CNTN5: variants seen among roughly 807,000 people sequenced by gnomAD.
CNTN5 encodes contactin-5.
In CNTN5, 77 loss-of-function variants were observed where a neutral mutation model predicts 129.1. The ratio of observed to expected loss-of-function variants is 0.60; its 90% CI spans 0.50 to 0.72. The LOEUF is 0.72. CNTN5 is among the 30% of genes least tolerant of loss of function. The pLI is 0.00. For synonymous variants in CNTN5, 509 were observed against 465.6 expected (o/e 1.09, Z -1.20); for missense variants, 1,478 against 1,328.8 (o/e 1.11, Z -1.75).
intron 3 of CNTN5, among the ~76,000 whole-genome samples, chr11:99,785,757 C>G (rs564405401): frequency 6.6e-6 from 1 of 152,174 alleles, no homozygotes; most frequent in African/African-American, 2.4e-5. Context: ...CAGAAACCGC[C>G]TGATTTTCTC....
chr11:99,061,628 A>G (rs1373827716), intron 1 of CNTN5, among the ~76,000 whole-genome samples: 1 of 152,142 alleles, frequency 6.6e-6, no homozygotes, highest in Non-Finnish European at 1.5e-5. Context: ...TCTTCATAAA[A>G]GAAGATGGTA....
chr11:99,796,626 A>C (rs1218357536), intron 3 of CNTN5, among the ~76,000 whole-genome samples: 1 of 151,352 alleles, frequency 6.6e-6, no homozygotes, highest in Non-Finnish European at 1.5e-5. Flanking sequence ...CTGAAACTCC[A>C]GGTGAGGCCA....
chr11:99,749,705 G>T (rs79777254), intron 3 of CNTN5, among the ~76,000 whole-genome samples: 1 of 152,020 alleles, frequency 6.6e-6, no homozygotes, highest in African/African-American at 2.4e-5. Flanking sequence ...TTCTCATGTG[G>T]GTTAAAAGGA....
chr11:99,936,669 T>G (rs1212354918), intron 7 of CNTN5, among the ~76,000 whole-genome samples: 1 of 152,146 alleles, frequency 6.6e-6, no homozygotes, highest in Admixed American at 6.5e-5. Flanking sequence ...GGAGTAATAG[T>G]CCTGCAGATC....
chr11:99,583,312 C>A (rs1210381921), intron 3 of CNTN5, among the ~76,000 whole-genome samples: 1 of 152,214 alleles, frequency 6.6e-6, no homozygotes, highest in African/African-American at 2.4e-5. Context: ...TCTCAGATCT[C>A]AAGCTGTGTG....
intron 2 of CNTN5, among the ~76,000 whole-genome samples, chr11:99,534,299 G>A (rs1409356640): frequency 6.6e-6 from 1 of 152,198 alleles, no homozygotes; most frequent in Non-Finnish European, 1.5e-5. Flanking sequence ...TCAGCACCAA[G>A]CATATTATTG....
At chr11:99,899,187 A>T (rs530331959) in intron 6 of CNTN5, among the ~76,000 whole-genome samples, 1 of 152,038 alleles carries the variant, frequency 6.6e-6, no homozygotes. Context: ...ATAATTTGAC[A>T]TCCTTTTTCC....
intron 3 of CNTN5, among the ~76,000 whole-genome samples, chr11:99,806,195 C>T (rs1355059432): frequency 6.6e-6 from 1 of 152,116 alleles, no homozygotes; most frequent in Non-Finnish European, 1.5e-5. Context: ...CAATGACAAA[C>T]TAATCTTCTT....
chr11:99,797,160 C>T (rs921838106), intron 3 of CNTN5, among the ~76,000 whole-genome samples: 2 of 152,098 alleles, frequency 1.3e-5, no homozygotes, highest in African/African-American at 4.8e-5. Flanking sequence ...CATCGATGTG[C>T]AGTTAAGTTG....
intron 4 of CNTN5, among the ~76,000 whole-genome samples, chr11:99,820,229 A>G (rs193049061): frequency 6.6e-6 from 1 of 152,412 alleles, no homozygotes; most frequent in East Asian, 1.9e-4. Context: ...ATAATTTAGG[A>G]TTAAGACTAA....
At chr11:99,500,346 A>T (rs1390514216) in intron 2 of CNTN5, among the ~76,000 whole-genome samples, 3 of 152,204 alleles carry the variant, frequency 2.0e-5, no homozygotes, top group Non-Finnish European at 4.4e-5. Flanking sequence ...CTTTAAAAAA[A>T]GTTGTAAAGC....
At position 99,840,724 on chromosome 11, in the gene CNTN5, C is replaced by G. The variant is rs59793901; in HGVS notation, c.278-4128C>G. ...CATTACACAAATGTGTCGAAGGCTT[C>G]TACTTGGTTGAAGAGTTTAATTAAT... On this transcript the variant is annotated intron_variant, in intron 4 of 24. Transcript: ENST00000524871. Among the ~76,000 whole-genome samples, 469 of 152,184 alleles carry G rather than the reference C, an allele frequency of 3.1e-3. 2 individuals are homozygous for G. Among genetic ancestry groups the G allele is most frequent in the African/African-American group, 0.01 (420 of 41,542 alleles).
chr11:99,509,031 A>G (rs993900708), intron 2 of CNTN5, among the ~76,000 whole-genome samples: 12 of 152,108 alleles, frequency 7.9e-5, no homozygotes, highest in Non-Finnish European at 1.2e-4. Flanking sequence ...ATGAAGTGGG[A>G]AAAAAATACC....
At chr11:99,947,181 A>G (rs1447411761) in intron 7 of CNTN5, among the ~76,000 whole-genome samples, 5 of 151,864 alleles carry the variant, frequency 3.3e-5, no homozygotes, top group Non-Finnish European at 1.5e-5. Context: ...TACTATTTAT[A>G]TTACTAGCAT....
Position 99,382,844 on chromosome 11 carries a change from A to ATTTTTTT in CNTN5, c.-71+57360_-71+57361insTTTTTTT, listed in dbSNP as rs774797660. 1.1e-3 allele frequency among the ~76,000 whole-genome samples: 73 copies of ATTTTTTT among 69,418 alleles called. 4 individuals carry two copies. Among genetic ancestry groups the ATTTTTTT allele is most frequent in the South Asian group, 2.0e-3 (3 of 1,532 alleles). 45.5% of individuals were successfully genotyped at this position (69,418 alleles called of 152,430 possible). Reference sequence around the variant, plus strand: ...CACATCTCACTAGTGTCTCTAAATAACTTTTTTTTTTTTTTTTTTTTTTTT... The same window carrying ATTTTTTT: ...CACATCTCACTAGTGTCTCTAAATAATTTTTTTCTTTTTTTTTTTTTTTTTTTTTTTT... On this transcript the variant is annotated intron_variant, in intron 2 of 24. Transcript: ENST00000524871.
intron 3 of CNTN5, among the ~76,000 whole-genome samples, chr11:99,625,911 TATATATATATATACACAC>T (rs1328372665): frequency 3.3e-5 from 1 of 30,482 alleles, no homozygotes; most frequent in Non-Finnish European, 7.2e-5. Flanking sequence ...TATATATATA[TATATATATATATACACAC>T]ACACACACAC....
chr11:100,150,301 A>C (rs1432760075), intron 13 of CNTN5, among the ~76,000 whole-genome samples: 1 of 152,184 alleles, frequency 6.6e-6, no homozygotes, highest in Non-Finnish European at 1.5e-5. Context: ...AGACACATAT[A>C]TATGTAAGAA....
intron 13 of CNTN5, among the ~76,000 whole-genome samples, chr11:100,161,436 A>G (rs1947441805): frequency 6.6e-6 from 1 of 151,968 alleles, no homozygotes; most frequent in African/African-American, 2.4e-5. Flanking sequence ...GTTATATATC[A>G]TAGTTCATTC....
At chr11:99,441,401 G>C (rs914228712) in intron 2 of CNTN5, among the ~76,000 whole-genome samples, 5 of 151,948 alleles carry the variant, frequency 3.3e-5, no homozygotes, top group Admixed American at 1.3e-4. Flanking sequence ...TTTTTGTCTA[G>C]ATCTTTCCTA....
Sources: allele counts gnomAD v4.1 joint callset (sites outside exome capture counted in the v4.1 genomes callset), GRCh38; gene constraint gnomAD v4.1.1; transcripts MANE v1.5; gene names NCBI Gene and HGNC (gene_info 2026-07-23, HGNC 2026-07-21).